MINK1: variants seen among roughly 807,000 people sequenced by gnomAD.
The protein encoded by MINK1 is misshapen-like kinase 1.
Under a neutral mutation model 178.4 loss-of-function variants are expected in MINK1, and 46 were observed. The ratio of observed to expected loss-of-function variants is 0.26; its 90% CI spans 0.20 to 0.33. The LOEUF (loss-of-function observed/expected upper bound fraction) is 0.33. Ranked by LOEUF, MINK1 falls within the 10% of genes least tolerant of loss-of-function variation. The pLI is 1.00. For missense variants in MINK1, 1,366 were observed against 1,814.9 expected (o/e 0.75, Z 4.49); for synonymous variants, 797 against 709.7 (o/e 1.12, Z -1.96).
intron 13 of MINK1, 161 bp downstream of exon 13, chr17:4,889,924 C>T (rs1010388695): frequency 2.7e-5 from 17 of 619,786 alleles, no homozygotes; most frequent in Admixed American, 6.0e-5. Context: ...CCTTCAACCC[C>T]AACCCTGACC....
In MINK1 at chr17:4,897,206, G is replaced by A. The variant is rs771583335; in HGVS notation, c.3918G>A (p.Val1306=). 11 of 1,613,238 alleles carry A rather than the reference G, an allele frequency of 6.8e-6. No individual in the cohort carries two copies. Among genetic ancestry groups the A allele is most frequent in the Admixed American group, 6.7e-5 (4 of 59,908 alleles). Reference sequence around the variant, plus strand: ...ACTTCTTCTCCTGCCCCACCCAGGTGTTTTTTGCCTCAGTCCGCTCTGGGG... The same window carrying A: ...ACTTCTTCTCCTGCCCCACCCAGGTATTTTTTGCCTCAGTCCGCTCTGGGG... ...LKFLCERNDK[V]FFASVRSGGS... is the part of the protein sequence containing the mutation. Residue 1306 remains valine (V), a splice_region_variant and synonymous_variant, in exon 32 of 32, where the codon GTG becomes GTA. Coordinates refer to ENST00000355280, the MANE Select transcript of MINK1 (RefSeq NM_153827.5).
intron 1 of MINK1, chr17:4,847,267 G>C: frequency 2.3e-6 from 1 of 436,688 alleles, no homozygotes; most frequent in South Asian, 1.7e-5. Context: ...CATTCATTCA[G>C]ATGGAGTCTC....
chr17:4,854,008 T>C (rs1295279659), intron 1 of MINK1, among the ~76,000 whole-genome samples: 2 of 152,196 alleles, frequency 1.3e-5, no homozygotes, highest in Non-Finnish European at 2.9e-5. Context: ...TAGAAGGTTC[T>C]GGAGGCAGAC....
chr17:4,881,292 G>A lies in MINK1; in HGVS notation c.306+35G>A, dbSNP rs533521828. On this transcript the variant is annotated intron_variant, in intron 4 of 31. Transcript: ENST00000355280. ...GCCCCCCTGCCCGCCTTCCCTCCCC[G>A]CAATCCCTGTCTCCGGGCTGTTCAC... The A allele has an allele frequency of 7.7e-5, 118 of 1,531,796 alleles. No individual in the cohort carries two copies. In the African/African-American group the frequency reaches 1.1e-3, roughly 15 times the overall value. The allele number at this position is 1,531,796 out of a possible 1,614,324, so 94.9% of individuals were successfully genotyped here.
In MINK1 at chr17:4,896,131, A is replaced by G; in HGVS notation, c.3465+28A>G. 1.2e-6 allele frequency: 2 copies of G among 1,606,902 alleles called. No homozygotes were observed. Among genetic ancestry groups the G allele is most frequent in the Non-Finnish European group, 1.7e-6 (2 of 1,176,574 alleles). On this transcript the variant is annotated intron_variant, in intron 28 of 31. Coordinates refer to ENST00000355280, the MANE Select transcript of MINK1 (RefSeq NM_153827.5). This position sits in a 1 kb window ranked among gnomAD's most constrained non-coding sequence, Gnocchi z 4.6. ...AATCCCAGCCTCGGTCCCTAACACC[A>G]TCTGGAGTCCCAGCGCCTCTCCCCG...
rs751292899 is a variant in MINK1 at position 4,886,211 on chromosome 17, G to C, written c.773+13G>C. 4 of 1,613,256 alleles carry C rather than the reference G, an allele frequency of 2.5e-6. No individual in the cohort carries two copies. Among genetic ancestry groups the C allele is most frequent in the Non-Finnish European group, 3.4e-6 (4 of 1,179,170 alleles). On this transcript the variant is annotated intron_variant, in intron 9 of 31. Coordinates refer to ENST00000355280, the MANE Select transcript of MINK1 (RefSeq NM_153827.5). This position sits in a 1 kb window ranked among gnomAD's most constrained non-coding sequence, Gnocchi z 6.1. ...AGTCCAAGAAGTGGTAGGTCTCTGA[G>C]AGTGTGGGCTCTGGGAAGGAAGGTC...
At chr17:4,879,085 T>G (rs1182391778) in intron 2 of MINK1, among the ~76,000 whole-genome samples, 3 of 144,718 alleles carry the variant, frequency 2.1e-5, no homozygotes, top group East Asian at 2.1e-4. Context: ...ACACTTGGAT[T>G]GTGGGAGCCG....
At chr17:4,840,413 C>T (rs1036508615) in intron 1 of MINK1, among the ~76,000 whole-genome samples, 2 of 152,098 alleles carry the variant, frequency 1.3e-5, no homozygotes, top group African/African-American at 4.8e-5. Context: ...TTGTTTGTCT[C>T]AAAAGTTAAG....
intron 14 of MINK1, 97 bp downstream of exon 14, chr17:4,890,832 T>G: frequency 6.6e-7 from 1 of 1,513,702 alleles, no homozygotes; most frequent in South Asian, 1.2e-5. Flanking sequence ...AGGCACCAAG[T>G]AGGGGAAAGG....
In MINK1 at chr17:4,895,908, G is replaced by A; in HGVS notation, c.3364+76G>A. 10 of 1,577,788 alleles carry A rather than the reference G, an allele frequency of 6.3e-6. No individual in the cohort carries two copies. Among genetic ancestry groups the A allele is most frequent in the Non-Finnish European group, 8.6e-6 (10 of 1,160,470 alleles). ...AAATGGATCTGGGAGCCAGGGACTT[G>A]GGGCCTGGGTGGGGCAGTGTAGTGA... On this transcript the variant is annotated intron_variant, in intron 27 of 31. Transcript: ENST00000355280. This position sits in a 1 kb window ranked among gnomAD's most constrained non-coding sequence, Gnocchi z 4.3.
intron 1 of MINK1, among the ~76,000 whole-genome samples, chr17:4,834,575 C>T (rs565001385): frequency 5.9e-5 from 9 of 152,328 alleles, no homozygotes; most frequent in African/African-American, 1.9e-4. Context: ...TTCATTGTCC[C>T]TTGTGGGGCA....
chr17:4,836,443 C>G lies in MINK1; in HGVS notation c.57+2803C>G, dbSNP rs1186344899. On this transcript the variant is annotated intron_variant, in intron 1 of 31. Transcript: ENST00000355280. This position sits in a 1 kb window ranked among gnomAD's most constrained non-coding sequence, Gnocchi z 4.3. The stretch of plus-strand genomic sequence containing the variant: ...TTCCTTTTCTCCACCAGCCTGGCTG[C>G]AGCGTGGTGAGGAAAAGCATGTGGT... Among the ~76,000 whole-genome samples the G allele has an allele frequency of 6.6e-6, 1 of 152,130 alleles. No homozygotes were observed. The highest frequency in any genetic ancestry group is 1.5e-5 in the Non-Finnish European group (1 of 68,016).
In MINK1 at chr17:4,897,470, C is replaced by T. The variant is rs1453094243; in HGVS notation, c.*183C>T. The T allele has an allele frequency of 3.4e-6, 2 of 581,952 alleles. No individual in the cohort carries two copies. Among genetic ancestry groups the T allele is most frequent in the African/African-American group, 3.8e-5 (2 of 53,058 alleles). 36.0% of individuals were successfully genotyped at this position (581,952 alleles called of 1,614,324 possible). ...TCGTGATCACGTGACCATCCTCTTC[C>T]CCAACATGTCCTCTTCCCAAAACTG... On this transcript the variant is annotated 3_prime_UTR_variant, in exon 32 of 32. Transcript: ENST00000355280.
In MINK1 at chr17:4,885,125, C is replaced by G; in HGVS notation, c.508+123C>G. On this transcript the variant is annotated intron_variant, in intron 6 of 31. Transcript: ENST00000355280. This position sits in a 1 kb window ranked among gnomAD's most constrained non-coding sequence, Gnocchi z 5.0. Reference sequence around the variant, plus strand: ...TTCCTACTGGGGAGGCTCACTCCCTCCCCTTTCCCCTCTCCCCCTGGAATG... The same window carrying G: ...TTCCTACTGGGGAGGCTCACTCCCTGCCCTTTCCCCTCTCCCCCTGGAATG... The G allele has an allele frequency of 1.2e-6, 1 of 852,674 alleles. No homozygotes were observed. The highest frequency in any genetic ancestry group is 1.8e-6 in the Non-Finnish European group (1 of 541,478). The allele number at this position is 852,674 out of a possible 1,614,324, so 52.8% of individuals were successfully genotyped here. A position where few individuals can be genotyped will look rare whatever the true frequency, so the allele number is the denominator to read the frequency against.
At chr17:4,858,235 T>A (rs552411776) in intron 1 of MINK1, among the ~76,000 whole-genome samples, 45 of 152,194 alleles carry the variant, frequency 3.0e-4, no homozygotes, top group South Asian at 6.2e-4. Flanking sequence ...TTCCTCTCTG[T>A]GTGGGCCTTC....
At chr17:4,871,307 C>G (rs1915835272) in intron 1 of MINK1, among the ~76,000 whole-genome samples, 1 of 151,456 alleles carries the variant, frequency 6.6e-6, no homozygotes, top group Non-Finnish European at 1.5e-5. Context: ...CCTTCCACCT[C>G]AGCCTCCCAT....
rs56902045 is a variant in MINK1 at position 4,888,413 on chromosome 17, G to A, written c.1230+623G>A. Among the ~76,000 whole-genome samples the A allele has an allele frequency of 6.6e-3, 990 of 150,944 alleles. 10 individuals carry two copies. Among genetic ancestry groups the A allele is most frequent in the African/African-American group, 0.022 (913 of 41,126 alleles). On this transcript the variant is annotated intron_variant, in intron 12 of 31. Transcript: ENST00000355280. Reference sequence around the variant, plus strand: ...ACTTTGGGAGTCGGAGGATGGGGGCGGATCGTGAGATCAGGAGTTCGAGAC... The same window carrying A: ...ACTTTGGGAGTCGGAGGATGGGGGCAGATCGTGAGATCAGGAGTTCGAGAC...
At chr17:4,861,233 G>T (rs922655378) in intron 1 of MINK1, among the ~76,000 whole-genome samples, 4 of 152,254 alleles carry the variant, frequency 2.6e-5, no homozygotes, top group Non-Finnish European at 5.9e-5. Context: ...CCAGCCTGGT[G>T]TGGCCAGTGC....
chr17:4,888,810 G>T (rs1437560096), intron 12 of MINK1, among the ~76,000 whole-genome samples: 1 of 148,262 alleles, frequency 6.7e-6, no homozygotes, highest in Admixed American at 6.9e-5. Context: ...TGATTCTCCT[G>T]CCTCAGCCTC....
Sources: allele counts gnomAD v4.1 joint callset (sites outside exome capture counted in the v4.1 genomes callset), GRCh38; gene constraint gnomAD v4.1.1; non-coding constraint Gnocchi (gnomAD v3.1); transcripts MANE v1.5; gene names NCBI Gene and HGNC (gene_info 2026-07-23, HGNC 2026-07-21).